The following GCN1 variants were observed in gnomAD, a reference collection of about 807,000 sequenced individuals.
GCN1 encodes GCN1 activator of EIF2AK4.
A neutral mutation model predicts 288.4 loss-of-function variants in GCN1; 90 were observed. The ratio of observed to expected loss-of-function variants is 0.31; its 90% CI spans 0.26 to 0.37. GCN1 has a LOEUF of 0.37. Ranked by LOEUF, GCN1 falls within the 10% of genes least tolerant of loss-of-function variation. The probability of loss-of-function intolerance (pLI) is 1.00; values close to 1 mark genes in which losing one functional copy is unlikely to be tolerated. For missense variants in GCN1, 2,586 were observed against 3,419.9 expected, an observed-to-expected ratio of 0.76 and a Z score of 6.08; for synonymous variants, 1,386 against 1,420.2, an observed-to-expected ratio of 0.98 and a Z score of 0.54.
At position 120,144,745 on chromosome 12, in the gene GCN1, G is replaced by A; in HGVS notation, c.5246C>T (p.Ala1749Val). 1 of 1,612,656 alleles carries A rather than the reference G, an allele frequency of 6.2e-7. No individual in the cohort carries two copies. Among genetic ancestry groups the A allele is most frequent in the Non-Finnish European group, 8.5e-7 (1 of 1,178,588 alleles). ...AATGTAGCCATCTCGGACATGGGGT[G>A]CAATGTCCACTTTGCTGGCTGTAGC... ...IVATASKVDIAPHVRDGYIMM... is the reference protein window; with the variant it reads ...IVATASKVDIVPHVRDGYIMM... Residue 1749 changes from alanine to valine, a missense_variant, in exon 41 of 58, where the codon GCA (alanine) becomes GTA (valine). By Grantham distance (64) the Ala-to-Val change is moderately conservative. Around this residue, in one of 8 missense-constraint regions of GCN1, gnomAD observed 371 missense variants for 572.6 expected, o/e 0.65. Coordinates refer to ENST00000300648, the MANE Select transcript of GCN1 (RefSeq NM_006836.2). The surrounding 1 kb of genome is among the most constrained non-coding windows in gnomAD (Gnocchi z 4.7).
rs769790180 is a variant in GCN1, at chr12:120,161,991, C to G, written c.2231G>C (p.Ser744Thr). Residue 744 changes from serine to threonine, a missense_variant, in exon 21 of 58, where the codon AGC becomes ACC. By Grantham distance (58) the Ser-to-Thr change is moderately conservative. This residue lies in a region of GCN1 where 913 missense variants were observed against 1,107.0 expected (regional missense o/e 0.82). Transcript: ENST00000300648. ...SPDRVLPQLI[S>T]TITASVQNPA... ...GTTCTGCACGGAGGCAGTGATGGTG[C>G]TGATGAGCTGTGGGAGGACCCGGTC... The G allele has an allele frequency of 3.1e-6, 5 of 1,613,938 alleles. No homozygotes were observed. Among genetic ancestry groups the G allele is most frequent in the Non-Finnish European group, 4.2e-6 (5 of 1,180,020 alleles).
intron 1 of GCN1, 42 bp downstream of exon 1, chr12:120,194,638 C>T: frequency 1.3e-6 from 2 of 1,507,840 alleles, no homozygotes; most frequent in South Asian, 1.2e-5. Flanking sequence ...ACCGTCCGCA[C>T]CCAGTCCCTG....
At chr12:120,130,013 G>A (rs1418581696) in intron 56 of GCN1, among the ~76,000 whole-genome samples, 1 of 152,178 alleles carries the variant, frequency 6.6e-6, no homozygotes, top group Non-Finnish European at 1.5e-5. Context: ...GAAACTCCGT[G>A]GGTTCCCGGT....
At chr12:120,146,968 G>A in intron 38 of GCN1, 84 bp downstream of exon 38, 3 of 727,292 alleles carry the variant, frequency 4.1e-6, no homozygotes, top group East Asian at 3.0e-5. Flanking sequence ...AACTTTCCAT[G>A]TCTAATGTGG....
chr12:120,160,270 C>A lies in GCN1; in HGVS notation c.2437-15G>T. ...TTCTTTATCTCCTAAAGAGGATGGG[C>A]AAACCAACCAATCCCATCTCCAGGG... On this transcript the variant is annotated splice_polypyrimidine_tract_variant and intron_variant, in intron 22 of 57. Transcript: ENST00000300648. 6.4e-7 allele frequency: 1 copy of A among 1,552,624 alleles called. No homozygotes were observed. Among genetic ancestry groups the A allele is most frequent in the Non-Finnish European group, 8.9e-7 (1 of 1,126,564 alleles).
Position 120,144,445 on chromosome 12 carries a change from G to A in GCN1, c.5356C>T (p.Leu1786Phe), listed in dbSNP as rs896399885. Residue 1786 changes from leucine to phenylalanine, a missense_variant, in exon 42 of 58, where the codon CTT (leucine) becomes TTT (phenylalanine). Leu to Phe is a conservative substitution (Grantham distance 22). Transcript: ENST00000300648. This position sits in a 1 kb window ranked among gnomAD's most constrained non-coding sequence, Gnocchi z 4.7. ...GPIIPCILKA[L>F]ADENEFVRDT... The stretch of plus-strand genomic sequence containing the variant: ...CGCACAAACTCATTCTCATCAGCAA[G>A]AGCCTGGGCACACAGAGGGTGGGTC... The A allele has an allele frequency of 7.4e-6, 12 of 1,612,156 alleles. No individual in the cohort carries two copies. The highest frequency in any genetic ancestry group is 1.0e-5 in the Non-Finnish European group (12 of 1,178,730).
At chr12:120,139,038 G>A (rs779210589) in intron 45 of GCN1, 182 bp from the exon 46 acceptor site, 25 of 495,766 alleles carry the variant, frequency 5.0e-5, no homozygotes, top group Admixed American at 1.5e-4. Flanking sequence ...GGCCGGGCAC[G>A]GTGGCTCACA....
intron 36 of GCN1, among the ~76,000 whole-genome samples, chr12:120,148,787 C>T (rs999741547): frequency 6.6e-6 from 1 of 152,156 alleles, no homozygotes; most frequent in Admixed American, 6.5e-5. Context: ...AGCAGCTCTA[C>T]TTTTATCTGT....
chr12:120,147,024 C>G, intron 38 of GCN1, 28 bp downstream of exon 38: 1 of 1,418,748 alleles, frequency 7.0e-7, no homozygotes, highest in Non-Finnish European at 9.6e-7. Context: ...TCTGGTCTAT[C>G]CCACACTAGC....
chr12:120,194,681 T>C lies in GCN1; in HGVS notation c.17A>G (p.Gln6Arg), dbSNP rs1879116779. MAADT[Q>R]VSETLKRFAG... Reference sequence around the variant, plus strand: ...TGGCCCCGCAGCCGCCCGCCTCACCTGCGTGTCCGCCGCCATCCTGCCGGG... The same window carrying C: ...TGGCCCCGCAGCCGCCCGCCTCACCCGCGTGTCCGCCGCCATCCTGCCGGG... Residue 6 changes from glutamine (Q) to arginine (R), a missense_variant and splice_region_variant, in exon 1 of 58, where the codon CAG becomes CGG. Physicochemically the swap from Gln to Arg is conservative, Grantham distance 43. Coordinates refer to ENST00000300648, the MANE Select transcript of GCN1 (RefSeq NM_006836.2). 1.3e-6 allele frequency: 2 copies of C among 1,513,452 alleles called. No homozygotes were observed. The highest frequency in any genetic ancestry group is 8.8e-7 in the Non-Finnish European group (1 of 1,137,510). 93.8% of individuals were successfully genotyped at this position (1,513,452 alleles called of 1,614,324 possible). A position where few individuals can be genotyped will look rare whatever the true frequency, so the allele number is the denominator to read the frequency against.
Position 120,163,264 on chromosome 12 carries a change from G to T in GCN1, c.1849-5C>A. 6.2e-7 allele frequency: 1 copy of T among 1,612,092 alleles called. No homozygotes were observed. Among genetic ancestry groups the T allele is most frequent in the Non-Finnish European group, 8.5e-7 (1 of 1,178,290 alleles). Reference sequence around the variant, plus strand: ...CAAAGCCTCTAAGGGCAGCACCTGTGTGGAGACACATGAGATAATACTGCT... The same window carrying T: ...CAAAGCCTCTAAGGGCAGCACCTGTTTGGAGACACATGAGATAATACTGCT... On this transcript the variant is annotated splice_region_variant and splice_polypyrimidine_tract_variant and intron_variant, in intron 18 of 57. Coordinates refer to ENST00000300648, the MANE Select transcript of GCN1 (RefSeq NM_006836.2).
rs1337524345 is a variant in GCN1, at chr12:120,144,455, A to G, written c.5353-7T>C. On this transcript the variant is annotated splice_region_variant and splice_polypyrimidine_tract_variant and intron_variant, in intron 41 of 57. Coordinates refer to ENST00000300648, the MANE Select transcript of GCN1 (RefSeq NM_006836.2). The surrounding 1 kb of genome is among the most constrained non-coding windows in gnomAD (Gnocchi z 4.7). ...CATTCTCATCAGCAAGAGCCTGGGC[A>G]CACAGAGGGTGGGTCAGCCAGAGCT... 1 of 1,610,474 alleles carries G rather than the reference A, an allele frequency of 6.2e-7. No individual in the cohort carries two copies. The highest frequency in any genetic ancestry group is 1.3e-5 in the African/African-American group (1 of 74,960).
At chr12:120,162,101 G>A (rs1180721796) in intron 20 of GCN1, 43 bp from the exon 21 acceptor site, 2 of 1,561,932 alleles carry the variant, frequency 1.3e-6, no homozygotes, top group Admixed American at 1.7e-5. Flanking sequence ...GCCAAGGCTG[G>A]CACTGGCAAG....
Position 120,153,767 on chromosome 12 carries a change from C to T in GCN1, c.3844G>A (p.Ala1282Thr), listed in dbSNP as rs747075126. 10 of 1,614,090 alleles carry T rather than the reference C, an allele frequency of 6.2e-6. No homozygotes were observed. Among genetic ancestry groups the T allele is most frequent in the Admixed American group, 3.3e-5 (2 of 60,004 alleles). Reference sequence around the variant, plus strand: ...ACCTTCCCATGAGTGTTGAGCGTTGCGAGGGCTGCATCCAACATGCACTTC... The same window carrying T: ...ACCTTCCCATGAGTGTTGAGCGTTGTGAGGGCTGCATCCAACATGCACTTC... The part of the protein sequence containing the change: ...VRKCMLDAAL[A>T]TLNTHGKENV... Residue 1282 changes from alanine (A) to threonine (T), a missense_variant, in exon 32 of 58, where the codon GCA becomes ACA. Coordinates refer to ENST00000300648, the MANE Select transcript of GCN1 (RefSeq NM_006836.2). The surrounding 1 kb of genome is among the most constrained non-coding windows in gnomAD (Gnocchi z 4.4).
In GCN1 at chr12:120,158,635, C is replaced by T; in HGVS notation, c.2750-20G>A. 3 of 1,587,502 alleles carry T rather than the reference C, an allele frequency of 1.9e-6. No homozygotes were observed. The highest frequency in any genetic ancestry group is 1.7e-6 in the Non-Finnish European group (2 of 1,165,906). ...AAGTGCCTGTGTTGAAGAGGAGAGA[C>T]CCAGCAGGAGATGACACACAGAGAT... On this transcript the variant is annotated intron_variant, in intron 24 of 57. Transcript: ENST00000300648. The surrounding 1 kb of genome is among the most constrained non-coding windows in gnomAD (Gnocchi z 4.3).
chr12:120,164,425 T>C lies in GCN1; in HGVS notation c.1759A>G (p.Thr587Ala), dbSNP rs745398785. ...TWHVRRQAQQ[T>A]VRKLLSSLGG... ...AGAGAGGACAGCAGCTTCCGAACTG[T>C]CTGCTGAGCCTGCCTGCGGACGTGC... The change falls in exon 18 of 58, where the codon ACA becomes GCA. Residue 587 changes from threonine to alanine, a missense_variant. This residue lies in a region of GCN1 where 913 missense variants were observed against 1,107.0 expected (regional missense o/e 0.82). Transcript: ENST00000300648. 3.0e-5 allele frequency: 48 copies of C among 1,613,998 alleles called. No individual in the cohort carries two copies. In the South Asian group the frequency reaches 5.2e-4, roughly 17 times the overall value.
rs1877219131 is a variant in GCN1, at chr12:120,142,196, G to A, written c.5829+311C>T. Among the ~76,000 whole-genome samples, 1 of 152,080 alleles carries A rather than the reference G, an allele frequency of 6.6e-6. No homozygotes were observed. On this transcript the variant is annotated intron_variant, in intron 44 of 57. Coordinates refer to ENST00000300648, the MANE Select transcript of GCN1 (RefSeq NM_006836.2). This position sits in a 1 kb window ranked among gnomAD's most constrained non-coding sequence, Gnocchi z 4.9. ...AAAAAAATGGCCAGGTGTGGTGGTG[G>A]ATGCCTGTAGTCCCAGCTACTCGGG...
intron 33 of GCN1, 102 bp from the exon 34 acceptor site, chr12:120,151,493 C>T (rs778071221): frequency 8.0e-5 from 99 of 1,231,614 alleles, no homozygotes; most frequent in Non-Finnish European, 9.0e-5. Flanking sequence ...CTAGATGTCC[C>T]AAGCCCCATC....
In GCN1 at chr12:120,147,251, T is replaced by C. The variant is rs1343625567; in HGVS notation, c.4748A>G (p.Asp1583Gly). ...EILAIAPVLL[D>G]ALTDPSRKTQ... Reference sequence around the variant, plus strand: ...CTTCCTGGAGGGATCCGTCAGGGCATCCAGGAGGACTGGAGCAATGGCTGC... The same window carrying C: ...CTTCCTGGAGGGATCCGTCAGGGCACCCAGGAGGACTGGAGCAATGGCTGC... The change falls in exon 38 of 58, where the codon GAT (aspartate) becomes GGT (glycine). Residue 1583 changes from aspartate (D) to glycine (G), a missense_variant. Asp to Gly is a moderately conservative substitution (Grantham distance 94). Coordinates refer to ENST00000300648, the MANE Select transcript of GCN1 (RefSeq NM_006836.2). The C allele has an allele frequency of 2.5e-6, 4 of 1,603,924 alleles. No homozygotes were observed. Among genetic ancestry groups the C allele is most frequent in the Admixed American group, 3.4e-5 (2 of 59,436 alleles).
Sources: allele counts gnomAD v4.1 joint callset (sites outside exome capture counted in the v4.1 genomes callset), GRCh38; gene constraint gnomAD v4.1.1; regional missense constraint gnomAD v4.1.1; non-coding constraint Gnocchi (gnomAD v3.1); transcripts MANE v1.5; gene names NCBI Gene and HGNC (gene_info 2026-07-23, HGNC 2026-07-21).